GLYATL1: variants seen among roughly 807,000 people sequenced by gnomAD.
GLYATL1 encodes the protein glycine-N-acyltransferase like 1.
In GLYATL1, 15 loss-of-function variants were observed where a neutral mutation model predicts 20.0. The ratio of observed to expected loss-of-function variants is 0.75; its 90% CI spans 0.50 to 1.15. GLYATL1 has a LOEUF of 1.15. Ranked by LOEUF, GLYATL1 falls within the 50% of genes most tolerant of loss-of-function variation. The probability of loss-of-function intolerance (pLI) is 0.00; values close to 1 mark genes in which losing one functional copy is unlikely to be tolerated. For missense variants in GLYATL1, 380 were observed against 368.5 expected, an observed-to-expected ratio of 1.03 and a Z score of -0.26; for synonymous variants, 151 against 131.5, an observed-to-expected ratio of 1.15 and a Z score of -1.01.
In GLYATL1 at chr11:58,956,108, CA is replaced by C. The variant is rs1040066638; in HGVS notation, c.*84del. 3 of 1,253,010 alleles carry C rather than the reference CA, an allele frequency of 2.4e-6. No homozygotes were observed. Among genetic ancestry groups the C allele is most frequent in the Admixed American group, 2.0e-5 (1 of 49,306 alleles). 77.6% of individuals were successfully genotyped at this position (1,253,010 alleles called of 1,614,324 possible). A position where few individuals can be genotyped will look rare whatever the true frequency, so the allele number is the denominator to read the frequency against. On this transcript the variant is annotated 3_prime_UTR_variant, in exon 7 of 7. Transcript: ENST00000532726. ...ACCACAGAATAGATTTCTTCACTTA[CA>C]AATGCATATTGGGCACTTATAATAC...
At chr11:58,954,980 C>T (rs530227520) in intron 5 of GLYATL1, 84 bp downstream of exon 5, 1 of 1,404,196 alleles carries the variant, frequency 7.1e-7, no homozygotes, top group South Asian at 1.4e-5. Flanking sequence ...CCTGAGGGCT[C>T]ATTAGAAATG....
upstream of GLYATL1, chr11:58,935,616 G>A (rs1237691590): frequency 6.6e-6 from 1 of 152,134 alleles, no homozygotes; most frequent in Non-Finnish European, 1.5e-5. Flanking sequence ...ACATTTTGCT[G>A]ATGTCCAGTT....
chr11:58,906,388 A>G (rs947688623), intron 1 of GLYATL1, among the ~76,000 whole-genome samples: 1 of 152,136 alleles, frequency 6.6e-6, no homozygotes, highest in African/African-American at 2.4e-5. Context: ...CACCCATAGA[A>G]TGAGACCAGG....
In GLYATL1 at chr11:58,939,508, T is replaced by A. The variant is rs917739514; in HGVS notation, c.-309T>A. ...TGGCTCAGTTGCCATGGGCCAGGAG[T>A]CTCACAGAACTACTAAGCAGCTGCT... On this transcript the variant is annotated 5_prime_UTR_variant, in exon 1 of 7. Transcript: ENST00000532726. The A allele has an allele frequency of 1.3e-5, 2 of 152,026 alleles. No homozygotes were observed. Among genetic ancestry groups the A allele is most frequent in the African/African-American group, 4.8e-5 (2 of 41,362 alleles). 9.4% of individuals were successfully genotyped at this position (152,026 alleles called of 1,614,324 possible).
chr11:58,939,635 A>G lies in GLYATL1; in HGVS notation c.-182A>G, dbSNP rs1174697986. The G allele has an allele frequency of 4.6e-5, 7 of 152,230 alleles. No individual in the cohort carries two copies. The highest frequency in any genetic ancestry group is 1.4e-4 in the African/African-American group (6 of 41,436). The allele number at this position is 152,230 out of a possible 1,614,324, so 9.4% of individuals were successfully genotyped here. A position where few individuals can be genotyped will look rare whatever the true frequency, so the allele number is the denominator to read the frequency against. On this transcript the variant is annotated 5_prime_UTR_variant, in exon 1 of 7. Coordinates refer to ENST00000532726, the MANE Select transcript of GLYATL1 (RefSeq NM_001389712.2). ...GGAAGAACTGCCTTTGGAATTTCAC[A>G]TCGGCATCCAGATAGGTGACTGTCC...
upstream of GLYATL1, among the ~76,000 whole-genome samples, chr11:58,927,398 A>T (rs1855452360): frequency 6.6e-6 from 1 of 152,228 alleles, no homozygotes; most frequent in Non-Finnish European, 1.5e-5. Flanking sequence ...AAAGCTAGAG[A>T]GTCAGGCAGG....
At chr11:58,906,570 C>T (rs924326111) in intron 1 of GLYATL1, among the ~76,000 whole-genome samples, 1 of 152,084 alleles carries the variant, frequency 6.6e-6, no homozygotes, top group Non-Finnish European at 1.5e-5. Flanking sequence ...TCCAGGAAGA[C>T]CTGAATGTGG....
intron 4 of GLYATL1, among the ~76,000 whole-genome samples, chr11:58,953,198 C>T (rs964456594): frequency 3.3e-5 from 5 of 152,128 alleles, no homozygotes; most frequent in African/African-American, 1.2e-4. Context: ...AATTTCATTT[C>T]TGATATTTTC....
chr11:58,941,332 T>C (rs189943797), intron 1 of GLYATL1, among the ~76,000 whole-genome samples: 4 of 151,954 alleles, frequency 2.6e-5, no homozygotes, highest in African/African-American at 9.6e-5. Context: ...AGAATGATGA[T>C]TTCTAGTTTC....
At chr11:58,943,226 G>C in intron 1 of GLYATL1, 1 of 1,467,110 alleles carries the variant, frequency 6.8e-7, no homozygotes, top group Non-Finnish European at 9.0e-7. Flanking sequence ...TAATTTAGTA[G>C]TGTGCACCTG....
At position 58,947,952 on chromosome 11, in the gene GLYATL1, G is replaced by A. The variant is rs575492236; in HGVS notation, c.173G>A (p.Arg58Gln). 37 of 1,612,988 alleles carry A rather than the reference G, an allele frequency of 2.3e-5. No individual in the cohort carries two copies. The African/African-American group carries it at 2.4e-4, about 10-fold the overall frequency. ...CCTGAATATCAGATGGTTATTATCCGGCCTCAAAAGCAGGTAGGCACACAG... is the reference window on the plus strand; with the variant it reads ...CCTGAATATCAGATGGTTATTATCCAGCCTCAAAAGCAGGTAGGCACACAG... Reference protein sequence around the residue: ...SWPEYQMVIIRPQKQEMTDDM... With the variant: ...SWPEYQMVIIQPQKQEMTDDM... The change falls in exon 4 of 7, where the codon CGG becomes CAG. Residue 58 changes from arginine (R) to glutamine (Q), a missense_variant. Physicochemically the swap from Arg to Gln is conservative, Grantham distance 43. Transcript: ENST00000532726.
downstream of GLYATL1, among the ~76,000 whole-genome samples, chr11:58,909,026 A>C (rs1854976430): frequency 6.6e-6 from 1 of 152,242 alleles, no homozygotes. Context: ...ATCAGACTGC[A>C]GAGGCTGGTT....
chr11:58,947,289 A>T, intron 3 of GLYATL1, 124 bp downstream of exon 3: 1 of 1,314,362 alleles, frequency 7.6e-7, no homozygotes, highest in Non-Finnish European at 1.0e-6. Context: ...ACAGGATGGG[A>T]CTGGGGGCAC....
chr11:58,930,206 A>G lies in GLYATL1; in HGVS notation c.-212+2377A>G, dbSNP rs115476815. On this transcript the variant is annotated intron_variant, in intron 1 of 7. Coordinates refer to the GLYATL1 transcript ENST00000317391. Reference sequence around the variant, plus strand: ...CCCTATTACTATCAAATATATAAGTATAAACATACCAGAAGGTTTCTTAGG... The same window carrying G: ...CCCTATTACTATCAAATATATAAGTGTAAACATACCAGAAGGTTTCTTAGG... 5.1e-3 allele frequency among the ~76,000 whole-genome samples: 775 copies of G among 152,352 alleles called. 5 individuals carry two copies. Among genetic ancestry groups the G allele is most frequent in the African/African-American group, 0.017 (726 of 41,572 alleles).
intron 2 of GLYATL1, among the ~76,000 whole-genome samples, chr11:58,945,718 G>A (rs1310489455): frequency 6.6e-6 from 1 of 152,104 alleles, no homozygotes; most frequent in African/African-American, 2.4e-5. Flanking sequence ...TTGGAGATGG[G>A]GGGAAGAAAA....
chr11:58,941,993 T>C (rs1856194963), intron 1 of GLYATL1, among the ~76,000 whole-genome samples: 1 of 152,198 alleles, frequency 6.6e-6, no homozygotes, highest in Non-Finnish European at 1.5e-5. Context: ...TTTACCCTAC[T>C]TGGGGCAATG....
At chr11:58,910,844 T>C (rs1429448641), downstream of GLYATL1, among the ~76,000 whole-genome samples, 1 of 152,206 alleles carries the variant, frequency 6.6e-6, no homozygotes, top group Non-Finnish European at 1.5e-5. Context: ...GTCTTCTGAG[T>C]ATACAGTTCA....
exon 2 of GLYATL1, chr11:58,907,342 C>T (rs1854922268): frequency 2.2e-6 from 1 of 456,192 alleles, no homozygotes; most frequent in African/African-American, 2.0e-5. Flanking sequence ...TGCTGCCCTT[C>T]CTTGCGACAC....
In GLYATL1 at chr11:58,947,104, A is replaced by T. The variant is rs780665861; in HGVS notation, c.17A>T (p.Asn6Ile). Residue 6 changes from asparagine (N) to isoleucine (I), a missense_variant, in exon 3 of 7, where the codon AAC (asparagine) becomes ATC (isoleucine). Physicochemically the swap from Asn to Ile is moderately radical, Grantham distance 149. Coordinates refer to ENST00000532726, the MANE Select transcript of GLYATL1 (RefSeq NM_001389712.2). Reference protein sequence around the residue: MILLNNSHKLLALYKS... With the variant: MILLNISHKLLALYKS... ...TCCCACAGAATGATCCTACTGAATA[A>T]CTCCCATAAGCTGCTGGCCCTATAC... 1.2e-6 allele frequency: 2 copies of T among 1,613,994 alleles called. No individual in the cohort carries two copies. Among genetic ancestry groups the T allele is most frequent in the Admixed American group, 3.3e-5 (2 of 60,014 alleles).
Sources: gnomAD v4.1 joint callset for allele counts (sites outside exome capture counted in the v4.1 genomes callset) on GRCh38, gnomAD v4.1.1 for gene constraint, MANE v1.5 for transcripts, NCBI Gene and HGNC (gene_info 2026-07-23, HGNC 2026-07-21) for gene names.